The following CAMK1D variants were observed in gnomAD, a reference collection of about 807,000 sequenced individuals.
CAMK1D encodes the protein calcium/calmodulin-dependent protein kinase type 1D.
In CAMK1D, 9 loss-of-function variants were observed where a neutral mutation model predicts 47.7. The observed-to-expected ratio is 0.19, with a 90% CI of 0.11 to 0.33. The LOEUF is 0.33. CAMK1D is among the 10% of genes least tolerant of loss of function. CAMK1D has a pLI of 1.00. For synonymous variants in CAMK1D, 184 were observed against 184.9 expected (o/e 0.99, Z 0.04); for missense variants, 291 against 488.7 (o/e 0.60, Z 3.81).
chr10:12,619,066 T>C (rs974587247), intron 2 of CAMK1D, among the ~76,000 whole-genome samples: 9 of 152,224 alleles, frequency 5.9e-5, no homozygotes, highest in Non-Finnish European at 1.2e-4. Flanking sequence ...AGCCATTGAA[T>C]CTTTGCATGT....
At chr10:12,811,355 T>C (rs547941547) in intron 6 of CAMK1D, among the ~76,000 whole-genome samples, 1 of 152,228 alleles carries the variant, frequency 6.6e-6, no homozygotes, top group African/African-American at 2.4e-5. Context: ...TTCTGTTAGA[T>C]CACCTCCACA....
intron 2 of CAMK1D, among the ~76,000 whole-genome samples, chr10:12,616,656 T>TA (rs985413490): frequency 6.6e-6 from 1 of 152,024 alleles, no homozygotes; most frequent in Non-Finnish European, 1.5e-5. Context: ...TAGCTGGGAC[T>TA]ACAGGCGCCC....
At chr10:12,413,166 A>C (rs1839722836) in intron 1 of CAMK1D, among the ~76,000 whole-genome samples, 1 of 152,294 alleles carries the variant, frequency 6.6e-6, no homozygotes, top group Non-Finnish European at 1.5e-5. Context: ...GTTTCTAGAG[A>C]AACCTCAGAA....
chr10:12,441,585 G>A (rs1302722667), intron 1 of CAMK1D, among the ~76,000 whole-genome samples: 1 of 151,082 alleles, frequency 6.6e-6, no homozygotes, highest in African/African-American at 2.4e-5. Flanking sequence ...GGCTGAGGCG[G>A]GTGGATCACT....
intron 3 of CAMK1D, among the ~76,000 whole-genome samples, chr10:12,735,457 G>A (rs1430153931): frequency 2.0e-5 from 3 of 152,036 alleles, no homozygotes; most frequent in Non-Finnish European, 4.4e-5. Flanking sequence ...CAGCCTGGGC[G>A]ACAGAGCGAG....
chr10:12,429,978 G>A (rs1840386503), intron 1 of CAMK1D, among the ~76,000 whole-genome samples: 1 of 151,852 alleles, frequency 6.6e-6, no homozygotes, highest in African/African-American at 2.4e-5. Context: ...CCCACCCCGG[G>A]GAGTCACTCT....
chr10:12,816,450 A>G (rs767545833), intron 8 of CAMK1D, 122 bp downstream of exon 8: 28 of 777,638 alleles, frequency 3.6e-5, no homozygotes, highest in Non-Finnish European at 5.6e-5. Context: ...ATTTCATCTC[A>G]TTCTGGCCAG....
Position 12,828,910 on chromosome 10 carries a change from G to T in CAMK1D, c.*23G>T, listed in dbSNP as rs779832568. ...TGACTGGCCCTGGAGGTGGGGCCCG[G>T]GGTCGGGGCTGGGGAAGGGGAGCCC... On this transcript the variant is annotated 3_prime_UTR_variant, in exon 11 of 11. Transcript: ENST00000619168. 6.4e-7 allele frequency: 1 copy of T among 1,557,934 alleles called. No homozygotes were observed.
chr10:12,728,250 A>G (rs1024665966), intron 3 of CAMK1D, among the ~76,000 whole-genome samples: 1 of 152,244 alleles, frequency 6.6e-6, no homozygotes, highest in East Asian at 1.9e-4. Context: ...GATTAAAGAT[A>G]TAAGAAGATG....
At chr10:12,633,612 A>G (rs1839437908) in intron 2 of CAMK1D, among the ~76,000 whole-genome samples, 1 of 152,208 alleles carries the variant, frequency 6.6e-6, no homozygotes, top group East Asian at 1.9e-4. Flanking sequence ...GCTGGAGTGC[A>G]GTAGCACAAT....
chr10:12,504,889 A>G (rs1296114103), intron 1 of CAMK1D, among the ~76,000 whole-genome samples: 1 of 152,242 alleles, frequency 6.6e-6, no homozygotes, highest in Middle Eastern at 3.4e-3. Flanking sequence ...CTTGCCCCCT[A>G]TGATGCTCTC....
intron 1 of CAMK1D, among the ~76,000 whole-genome samples, chr10:12,361,545 CT>C (rs36015215): frequency 0.22 from 13,818 of 62,896 alleles, 1,287 homozygotes; most frequent in East Asian, 0.4. Flanking sequence ...GTGCCTGGCC[CT>C]TTTTTTTTTT....
At chr10:12,664,449 C>T (rs572018010) in intron 2 of CAMK1D, among the ~76,000 whole-genome samples, 3 of 152,198 alleles carry the variant, frequency 2.0e-5, no homozygotes, top group African/African-American at 7.2e-5. Context: ...CTTTAATTCT[C>T]TATCCCGTGT....
intron 2 of CAMK1D, among the ~76,000 whole-genome samples, chr10:12,563,639 G>A (rs186452619): frequency 6.3e-4 from 94 of 149,564 alleles, no homozygotes; most frequent in African/African-American, 2.2e-3. Context: ...ACCAATATGG[G>A]GCATTCCAGA....
chr10:12,835,455 A>C lies in CAMK1D; in HGVS notation c.*6568A>C, dbSNP rs944472751. ...GTAGCAAATGATTCTCTGCCTTGAC[A>C]ATCATGTATACATATCAAGATTTCT... On this transcript the variant is annotated 3_prime_UTR_variant, in exon 11 of 11. Transcript: ENST00000619168. The C allele has an allele frequency of 6.6e-6, 1 of 152,248 alleles. No individual in the cohort carries two copies. Among genetic ancestry groups the C allele is most frequent in the African/African-American group, 2.4e-5 (1 of 41,462 alleles). 9.4% of individuals were successfully genotyped at this position (152,248 alleles called of 1,614,324 possible). A position where few individuals can be genotyped will look rare whatever the true frequency, so the allele number is the denominator to read the frequency against.
intron 4 of CAMK1D, among the ~76,000 whole-genome samples, chr10:12,767,937 A>G (rs1487028783): frequency 6.6e-6 from 1 of 152,114 alleles, no homozygotes; most frequent in East Asian, 1.9e-4. Flanking sequence ...CAATGGCGCG[A>G]TCTTGGCTCA....
intron 1 of CAMK1D, among the ~76,000 whole-genome samples, chr10:12,407,475 C>T (rs1352597023): frequency 6.6e-6 from 1 of 152,236 alleles, no homozygotes; most frequent in African/African-American, 2.4e-5. Context: ...CCTGTCTGCT[C>T]TGCTGAGCCA....
In CAMK1D at chr10:12,830,946, C is replaced by CACACACACAA. The variant is rs1833408158; in HGVS notation, c.*2068_*2069insAACACACACA. The CACACACACAA allele has an allele frequency of 6.5e-6, 1 of 153,664 alleles. No homozygotes were observed. The highest frequency in any genetic ancestry group is 1.4e-5 in the Non-Finnish European group (1 of 70,008). The allele number at this position is 153,664 out of a possible 1,614,324, so 9.5% of individuals were successfully genotyped here. Reference sequence around the variant, plus strand: ...CAATAAACACACACACACACACACACACACACACACACACACACAATGTTA... The same window carrying CACACACACAA: ...CAATAAACACACACACACACACACACACACACACAAACACACACACACACACACAATGTTA... On this transcript the variant is annotated 3_prime_UTR_variant, in exon 11 of 11. Coordinates refer to ENST00000619168, the MANE Select transcript of CAMK1D (RefSeq NM_153498.4).
At chr10:12,715,187 G>A (rs926386816) in intron 3 of CAMK1D, among the ~76,000 whole-genome samples, 2 of 151,978 alleles carry the variant, frequency 1.3e-5, no homozygotes, top group Non-Finnish European at 2.9e-5. Context: ...CGTATGAGTC[G>A]TCACAGTTCT....
Sources: gnomAD v4.1 joint callset for allele counts (sites outside exome capture counted in the v4.1 genomes callset) on GRCh38, gnomAD v4.1.1 for gene constraint, MANE v1.5 for transcripts, NCBI Gene and HGNC (gene_info 2026-07-23, HGNC 2026-07-21) for gene names.